SNX7: variants seen among roughly 807,000 people sequenced by gnomAD.
The protein encoded by SNX7 is sorting nexin 7, also known as sorting nexin-7.
Under a neutral mutation model 48.4 loss-of-function variants are expected in SNX7, and 35 were observed. That is an observed-to-expected ratio of 0.72 (90% CI 0.55 to 0.96). SNX7 has a LOEUF of 0.96. Among genes scored for constraint, SNX7 ranks in the 40% least tolerant of loss-of-function variants. SNX7 has a pLI of 0.00. For missense variants in SNX7, 553 were observed against 548.9 expected, an observed-to-expected ratio of 1.01 and a Z score of -0.07; for synonymous variants, 190 against 190.2, an observed-to-expected ratio of 1.00 and a Z score of 0.01.
intron 1 of SNX7, 109 bp from the exon 2 acceptor site, chr1:98,684,776 C>A: frequency 1.3e-6 from 1 of 769,952 alleles, no homozygotes; most frequent in African/African-American, 1.8e-5. Context: ...AACTAAAAGT[C>A]CAATAATCCC....
intron 6 of SNX7, among the ~76,000 whole-genome samples, chr1:98,699,710 A>G (rs1651654235): frequency 6.6e-6 from 1 of 152,104 alleles, no homozygotes; most frequent in Non-Finnish European, 1.5e-5. Context: ...CTTTTTTAAA[A>G]ACTTTTCCTT....
At chr1:98,723,817 C>T (rs554193437) in intron 7 of SNX7, among the ~76,000 whole-genome samples, 1 of 151,808 alleles carries the variant, frequency 6.6e-6, no homozygotes, top group South Asian at 2.1e-4. Context: ...ACTGAGATCG[C>T]ATGACTGCAC....
chr1:98,674,987 A>T (rs1029633223), intron 1 of SNX7, among the ~76,000 whole-genome samples: 8 of 152,192 alleles, frequency 5.3e-5, no homozygotes, highest in African/African-American at 1.7e-4. Context: ...AATTTTTATT[A>T]TGCTATAATC....
intron 7 of SNX7, among the ~76,000 whole-genome samples, chr1:98,706,037 G>C (rs1651988130): frequency 6.6e-6 from 1 of 152,090 alleles, no homozygotes; most frequent in Non-Finnish European, 1.5e-5. Flanking sequence ...GAGGTGTGCA[G>C]CTTTACATAA....
chr1:98,742,111 G>A (rs1246344832), intron 8 of SNX7, among the ~76,000 whole-genome samples: 1 of 152,120 alleles, frequency 6.6e-6, no homozygotes, highest in Admixed American at 6.6e-5. Context: ...AATCACCTTT[G>A]TTATTAAGGA....
intron 1 of SNX7, among the ~76,000 whole-genome samples, chr1:98,678,222 A>C (rs953386134): frequency 6.6e-6 from 1 of 152,140 alleles, no homozygotes; most frequent in Non-Finnish European, 1.5e-5. Flanking sequence ...CCAGAGAGGG[A>C]GCAAGAGAAA....
intron 1 of SNX7, among the ~76,000 whole-genome samples, chr1:98,673,607 C>G: frequency 6.6e-6 from 1 of 152,184 alleles, no homozygotes; most frequent in Non-Finnish European, 1.5e-5. Context: ...CAGCCCAGTG[C>G]CTGACACCTG....
chr1:98,759,568 T>C (rs369639411), intron 8 of SNX7, among the ~76,000 whole-genome samples: 60 of 152,214 alleles, frequency 3.9e-4, no homozygotes, highest in African/African-American at 1.4e-3. Flanking sequence ...TAGAGACTTA[T>C]ACAGATTATA....
At chr1:98,738,951 A>G (rs988902045) in intron 8 of SNX7, among the ~76,000 whole-genome samples, 1 of 151,898 alleles carries the variant, frequency 6.6e-6, no homozygotes, top group African/African-American at 2.4e-5. Context: ...CTTTAACCTT[A>G]TCTCTGGCTG....
chr1:98,700,840 A>G (rs562767407), intron 6 of SNX7, among the ~76,000 whole-genome samples: 1 of 152,092 alleles, frequency 6.6e-6, no homozygotes, highest in African/African-American at 2.4e-5. Flanking sequence ...CATGTAACTG[A>G]TTTGTGTCTA....
intron 1 of SNX7, among the ~76,000 whole-genome samples, chr1:98,667,829 G>A: frequency 6.6e-6 from 1 of 151,494 alleles, no homozygotes; most frequent in East Asian, 1.9e-4. Context: ...ACGATTACAT[G>A]CCCTAATATG....
At chr1:98,714,722 C>T (rs114531246) in intron 7 of SNX7, among the ~76,000 whole-genome samples, 437 of 152,106 alleles carry the variant, frequency 2.9e-3, no homozygotes, top group Non-Finnish European at 4.9e-3. Flanking sequence ...TTCACATGTT[C>T]CAGGAGGTTT....
intron 5 of SNX7, among the ~76,000 whole-genome samples, chr1:98,696,963 A>T (rs1651490037): frequency 6.6e-6 from 1 of 152,158 alleles, no homozygotes; most frequent in Admixed American, 6.5e-5. Flanking sequence ...GATAAATTAC[A>T]GTGCAGCTAA....
intron 7 of SNX7, among the ~76,000 whole-genome samples, chr1:98,711,112 G>A (rs894275198): frequency 6.6e-6 from 1 of 152,100 alleles, no homozygotes; most frequent in African/African-American, 2.4e-5. Context: ...TGTCTCCCGG[G>A]TTCAAGTGAT....
intron 1 of SNX7, among the ~76,000 whole-genome samples, chr1:98,673,733 T>C (rs1650004883): frequency 6.6e-6 from 1 of 152,160 alleles, no homozygotes; most frequent in Admixed American, 6.5e-5. Flanking sequence ...AGATAAGTGA[T>C]TTGGGGAGAA....
chr1:98,688,286 C>G lies in SNX7; in HGVS notation c.364-2789C>G, dbSNP rs751482892. ...ATGATCCAACTGTGAATGATTGTAT[C>G]GGGAAGACCACATTTGTGGCATCTG... On this transcript the variant is annotated intron_variant, in intron 2 of 8. Coordinates refer to ENST00000306121, the MANE Select transcript of SNX7 (RefSeq NM_015976.5). 2.0e-5 allele frequency among the ~76,000 whole-genome samples: 3 copies of G among 152,094 alleles called. No individual in the cohort carries two copies. The South Asian group carries it at 6.2e-4, about 32-fold the overall frequency.
chr1:98,684,970 A>T lies in SNX7; in HGVS notation c.266A>T (p.Asp89Val). The T allele has an allele frequency of 1.3e-6, 2 of 1,599,678 alleles. No homozygotes were observed. The highest frequency in any genetic ancestry group is 1.1e-5 in the South Asian group (1 of 87,170). ...LSMINQIKFE[D>V]EPDLKDLFIT... ...ATGATAAACCAAATCAAGTTTGAGG[A>T]TGAACCAGATTTAAAGGATCTCTTC... is the stretch of plus-strand genomic sequence containing the variant. The change falls in exon 2 of 9, where the codon GAT becomes GTT. Residue 89 changes from aspartate (D) to valine (V), a missense_variant. By Grantham distance (152) the Asp-to-Val change is radical. Coordinates refer to ENST00000306121, the MANE Select transcript of SNX7 (RefSeq NM_015976.5).
intron 7 of SNX7, among the ~76,000 whole-genome samples, chr1:98,707,961 C>T (rs896570046): frequency 2.0e-5 from 3 of 152,122 alleles, no homozygotes; most frequent in African/African-American, 7.2e-5. Flanking sequence ...ATAAATGGTG[C>T]ACAGAGCAAG....
intron 1 of SNX7, among the ~76,000 whole-genome samples, chr1:98,664,412 T>C (rs1341985822): frequency 1.3e-5 from 2 of 152,030 alleles, no homozygotes; most frequent in Non-Finnish European, 2.9e-5. Context: ...CCTTTAATCC[T>C]AGCTAACCGG....
Sources: allele counts gnomAD v4.1 joint callset (sites outside exome capture counted in the v4.1 genomes callset), GRCh38; gene constraint gnomAD v4.1.1; transcripts MANE v1.5; gene names NCBI Gene and HGNC (gene_info 2026-07-23, HGNC 2026-07-21).